HTR2A: variants seen among roughly 807,000 people sequenced by gnomAD.
HTR2A encodes the protein 5-hydroxytryptamine receptor 2A.
HTR2A carries 14 observed loss-of-function variants against 31.0 expected under a neutral mutation model. That is an observed-to-expected ratio of 0.45 (90% CI 0.30 to 0.71). HTR2A has a LOEUF of 0.71. HTR2A is among the 30% of genes least tolerant of loss of function. The pLI is 0.09. For synonymous variants in HTR2A, 209 were observed against 225.2 expected, an observed-to-expected ratio of 0.93 and a Z score of 0.64; for missense variants, 442 against 573.3, an observed-to-expected ratio of 0.77 and a Z score of 2.34.
At chr13:46,875,761 C>T (rs1405269534) in intron 3 of HTR2A, among the ~76,000 whole-genome samples, 5 of 152,116 alleles carry the variant, frequency 3.3e-5, no homozygotes, top group East Asian at 1.9e-4. Context: ...AAAATGTTTC[C>T]GATTAAAAAC....
chr13:46,867,145 G>A (rs1566311339), intron 3 of HTR2A, among the ~76,000 whole-genome samples: 1 of 152,098 alleles, frequency 6.6e-6, no homozygotes, highest in Non-Finnish European at 1.5e-5. Flanking sequence ...TAGACATTTG[G>A]GCAAAAGCTT....
intron 3 of HTR2A, among the ~76,000 whole-genome samples, chr13:46,855,515 TG>T (rs554245619): frequency 0.018 from 2,735 of 152,078 alleles, 71 homozygotes; most frequent in African/African-American, 0.06. Flanking sequence ...TGCTCTCAAC[TG>T]GGGGGGTACA....
At chr13:46,865,441 G>GAAGT (rs35600514) in intron 3 of HTR2A, among the ~76,000 whole-genome samples, 142,719 of 152,048 alleles carry the variant, frequency 0.94, 67,032 homozygotes, top group South Asian at 0.98. Flanking sequence ...CAACAGAAAA[G>GAAGT]AATATAAGAG....
At chr13:46,878,902 T>C (rs1220186439) in intron 3 of HTR2A, among the ~76,000 whole-genome samples, 1 of 152,190 alleles carries the variant, frequency 6.6e-6, no homozygotes, top group African/African-American at 2.4e-5. Context: ...TCAGAATTAC[T>C]GAAAAGAAAA....
chr13:46,895,792 TGTTAGCTTCTCCGGA>T lies in HTR2A; in HGVS notation c.100_114del (p.Ser34_Asn38del), dbSNP rs755545262. 1.2e-6 allele frequency: 2 copies of T among 1,614,046 alleles called. No individual in the cohort carries two copies. The highest frequency in any genetic ancestry group is 3.3e-5 in the Admixed American group (2 of 60,024). ...ACTGTCCAGTTAAATGCATCAGAAG[TGTTAGCTTCTCCGGA>T]GTTAAAGTCATTACTGTAGAGCCTG... On this transcript the variant is annotated inframe_deletion, in exon 2 of 4. Coordinates refer to ENST00000542664, the MANE Select transcript of HTR2A (RefSeq NM_000621.5). This position sits in a 1 kb window ranked among gnomAD's most constrained non-coding sequence, Gnocchi z 4.4.
intron 3 of HTR2A, among the ~76,000 whole-genome samples, chr13:46,867,045 G>GAGAT (rs1404076417): frequency 3.3e-5 from 5 of 152,128 alleles, no homozygotes; most frequent in Non-Finnish European, 7.4e-5. Flanking sequence ...ATAAGTGAGG[G>GAGAT]AGATAGATAA....
rs868575916 is a variant in HTR2A, at chr13:46,832,763, T to C, written c.*2074A>G. ...AGGACATAATGAGAATTTTATGCAT[T>C]TCCAAATTACACAATGACACTTCCC... On this transcript the variant is annotated 3_prime_UTR_variant, in exon 4 of 4. Transcript: ENST00000542664. 1.3e-5 allele frequency: 2 copies of C among 152,196 alleles called. No homozygotes were observed. Among genetic ancestry groups the C allele is most frequent in the Non-Finnish European group, 2.9e-5 (2 of 68,020 alleles). 9.4% of individuals were successfully genotyped at this position (152,196 alleles called of 1,614,324 possible).
intron 3 of HTR2A, among the ~76,000 whole-genome samples, chr13:46,848,821 AC>A (rs1950661992): frequency 6.6e-6 from 1 of 152,164 alleles, no homozygotes; most frequent in South Asian, 2.1e-4. Flanking sequence ...TGTAGTTCAT[AC>A]TTTTTGGGTT....
chr13:46,849,929 G>A (rs1358277334), intron 3 of HTR2A, among the ~76,000 whole-genome samples: 1 of 152,156 alleles, frequency 6.6e-6, no homozygotes, highest in Non-Finnish European at 1.5e-5. Context: ...AAAGATTTCT[G>A]GAATAAATGA....
At chr13:46,875,726 G>A (rs9526246) in intron 3 of HTR2A, among the ~76,000 whole-genome samples, 61,773 of 151,936 alleles carry the variant, frequency 0.41, 12,870 homozygotes, top group East Asian at 0.65. Flanking sequence ...CTTCCTAGAA[G>A]TGACTCTTCA....
At chr13:46,862,180 G>C (rs973708335) in intron 3 of HTR2A, among the ~76,000 whole-genome samples, 3 of 152,162 alleles carry the variant, frequency 2.0e-5, no homozygotes, top group Non-Finnish European at 4.4e-5. Flanking sequence ...ACTTCTGTAA[G>C]TGTACTTAAG....
At chr13:46,840,280 C>T (rs1172224158) in intron 3 of HTR2A, among the ~76,000 whole-genome samples, 2 of 152,146 alleles carry the variant, frequency 1.3e-5, no homozygotes, top group Non-Finnish European at 2.9e-5. Flanking sequence ...CAATGGGACT[C>T]ACTATCCTGA....
At chr13:46,855,937 C>T (rs1000212998) in intron 3 of HTR2A, among the ~76,000 whole-genome samples, 79 of 152,268 alleles carry the variant, frequency 5.2e-4, no homozygotes, top group African/African-American at 1.7e-3. Context: ...CCTCTGGCTA[C>T]TATTGTCTTG....
At position 46,862,191 on chromosome 13, in the gene HTR2A, C is replaced by A. The variant is rs144282029; in HGVS notation, c.614-26552G>T. Among the ~76,000 whole-genome samples the A allele has an allele frequency of 3.3e-4, 50 of 152,272 alleles. 1 individual carries two copies. In the East Asian group the frequency reaches 9.7e-3, roughly 29 times the overall value. On this transcript the variant is annotated intron_variant, in intron 3 of 3. Transcript: ENST00000542664. ...TGTAACTTCTGTAAGTGTACTTAAG[C>A]CTAACAGTCAGTACACAGCATATAG... is the stretch of plus-strand genomic sequence containing the variant.
chr13:46,877,728 T>G (rs777563709), intron 3 of HTR2A, among the ~76,000 whole-genome samples: 2 of 152,030 alleles, frequency 1.3e-5, no homozygotes, highest in African/African-American at 4.8e-5. Context: ...TGTGAAAATA[T>G]AGAGATATGG....
intron 3 of HTR2A, among the ~76,000 whole-genome samples, chr13:46,855,068 C>T (rs1199165336): frequency 1.3e-5 from 2 of 152,126 alleles, no homozygotes; most frequent in African/African-American, 4.8e-5. Flanking sequence ...CTAATGTCCC[C>T]CCAGAGCTAA....
intron 3 of HTR2A, among the ~76,000 whole-genome samples, chr13:46,840,298 T>C (rs1249649097): frequency 1.3e-5 from 2 of 152,052 alleles, no homozygotes; most frequent in Admixed American, 1.3e-4. Context: ...TGATACAGAG[T>C]GGCTAAATTC....
intron 3 of HTR2A, among the ~76,000 whole-genome samples, chr13:46,851,476 T>C (rs189268894): frequency 6.6e-6 from 1 of 152,354 alleles, no homozygotes; most frequent in African/African-American, 2.4e-5. Context: ...CACATATGCA[T>C]GTTAAATGGG....
chr13:46,851,118 T>C (rs1039895426), intron 3 of HTR2A, among the ~76,000 whole-genome samples: 2 of 152,366 alleles, frequency 1.3e-5, no homozygotes, highest in South Asian at 4.1e-4. Context: ...AAAAAGATTC[T>C]GAATCACTGA....
Sources: gnomAD v4.1 joint callset for allele counts (sites outside exome capture counted in the v4.1 genomes callset) on GRCh38, gnomAD v4.1.1 for gene constraint, Gnocchi (gnomAD v3.1) non-coding constraint, MANE v1.5 for transcripts, NCBI Gene and HGNC (gene_info 2026-07-23, HGNC 2026-07-21) for gene names.